Variants in CCDC88C observed in about 807,000 individuals in gnomAD.
The protein encoded by CCDC88C is coiled-coil and HOOK domain protein 88C.
Under a neutral mutation model 198.8 loss-of-function variants are expected in CCDC88C, and 131 were observed. The ratio of observed to expected loss-of-function variants is 0.66; its 90% confidence interval spans 0.57 to 0.76. The LOEUF is 0.76. Among genes scored for constraint, CCDC88C ranks in the 30% least tolerant of loss-of-function variants. The pLI is 0.00. For synonymous variants in CCDC88C, 1,166 were observed against 1,114.7 expected (o/e 1.05, Z -0.92); for missense variants, 2,553 against 2,631.6 (o/e 0.97, Z 0.65).
chr14:91,334,920 C>T (rs980495981), intron 10 of CCDC88C, among the ~76,000 whole-genome samples: 3 of 152,144 alleles, frequency 2.0e-5, no homozygotes, highest in Non-Finnish European at 4.4e-5. Flanking sequence ...CCAACACACA[C>T]CTGAGTGCTC....
chr14:91,300,646 C>A (rs757074565), intron 20 of CCDC88C, among the ~76,000 whole-genome samples: 1 of 152,176 alleles, frequency 6.6e-6, no homozygotes, highest in Non-Finnish European at 1.5e-5. Context: ...CACACAGCAG[C>A]TCTCCTCAGG....
At chr14:91,310,029 A>T in intron 15 of CCDC88C, 43 bp from the exon 16 acceptor site, 1 of 1,524,206 alleles carries the variant, frequency 6.6e-7, no homozygotes, top group South Asian at 1.2e-5. Flanking sequence ...GCTCAGCAAA[A>T]CACGCAGGAA....
At chr14:91,293,464 A>ACAGC (rs1890812191) in intron 23 of CCDC88C, among the ~76,000 whole-genome samples, 1 of 38,508 alleles carries the variant, frequency 2.6e-5, no homozygotes, top group Non-Finnish European at 5.9e-5. Context: ...CCACCTTCCC[A>ACAGC]TCCTCACCTG....
intron 21 of CCDC88C, 22 bp downstream of exon 21, chr14:91,299,905 A>G (rs975787684): frequency 2.5e-6 from 4 of 1,571,304 alleles, no homozygotes; most frequent in Non-Finnish European, 3.4e-6. Context: ...TGCTATGTGC[A>G]GGGCCGGGCG....
At chr14:91,298,695 T>C (rs1052404870) in intron 21 of CCDC88C, among the ~76,000 whole-genome samples, 3 of 152,218 alleles carry the variant, frequency 2.0e-5, no homozygotes, top group African/African-American at 7.2e-5. Flanking sequence ...TGCTGCCCTT[T>C]TAGACGATGT....
chr14:91,278,889 CTTTTTTTT>C (rs10671669), intron 28 of CCDC88C, among the ~76,000 whole-genome samples: 825 of 54,498 alleles, frequency 0.015, 21 homozygotes, highest in South Asian at 0.047. Flanking sequence ...ACCAAATACA[CTTTTTTTT>C]TTTTTTTTTT....
At chr14:91,363,824 G>A (rs1233069899) in intron 3 of CCDC88C, among the ~76,000 whole-genome samples, 1 of 152,258 alleles carries the variant, frequency 6.6e-6, no homozygotes, top group Non-Finnish European at 1.5e-5. Flanking sequence ...GAATGTGGTG[G>A]GGTGAGGGGC....
chr14:91,414,039 G>A (rs1218416577), intron 2 of CCDC88C, among the ~76,000 whole-genome samples: 1 of 152,158 alleles, frequency 6.6e-6, no homozygotes, highest in South Asian at 2.1e-4. Context: ...GTCTAAATGC[G>A]GGGCTAGGAC....
At chr14:91,321,795 T>C (rs1892368143) in intron 12 of CCDC88C, among the ~76,000 whole-genome samples, 1 of 152,232 alleles carries the variant, frequency 6.6e-6, no homozygotes, top group African/African-American at 2.4e-5. Context: ...CTTGTCAGCC[T>C]GGATGAGATG....
intron 1 of CCDC88C, 120 bp downstream of exon 1, chr14:91,417,511 G>A: frequency 1.2e-6 from 1 of 804,866 alleles, no homozygotes; most frequent in Non-Finnish European, 1.9e-6. Context: ...GCCACTTGCT[G>A]CGTCCCTCGC....
At chr14:91,394,819 T>G (rs1220299819) in intron 3 of CCDC88C, among the ~76,000 whole-genome samples, 1 of 152,122 alleles carries the variant, frequency 6.6e-6, no homozygotes, top group African/African-American at 2.4e-5. Flanking sequence ...ACGTGCACAC[T>G]CGCAAGATTA....
chr14:91,411,329 C>T (rs1016244593), intron 2 of CCDC88C, among the ~76,000 whole-genome samples: 7 of 152,186 alleles, frequency 4.6e-5, no homozygotes, highest in African/African-American at 1.7e-4. Flanking sequence ...TCAGTGTTCT[C>T]ATCTGCAAAA....
chr14:91,300,201 G>T, intron 20 of CCDC88C, 131 bp from the exon 21 acceptor site: 1 of 1,328,956 alleles, frequency 7.5e-7, no homozygotes, highest in Admixed American at 2.2e-5. Flanking sequence ...CTGCAGAAGT[G>T]AGGGGCATGG....
chr14:91,317,429 C>A (rs950652207), intron 13 of CCDC88C, among the ~76,000 whole-genome samples: 18 of 152,220 alleles, frequency 1.2e-4, no homozygotes, highest in African/African-American at 4.3e-4. Context: ...ATGAGCTGAG[C>A]TGGCTGAGGG....
rs1265349743 is a variant in CCDC88C, at chr14:91,351,209, A to C, written c.341-7552T>G. On this transcript the variant is annotated intron_variant, in intron 4 of 29. Transcript: ENST00000389857. ...TCTACATTCTCTTCTCTTCTGGCTT[A>C]CATGCTGGTGTGAACCACTAACTGC... is the stretch of plus-strand genomic sequence containing the variant. Among the ~76,000 whole-genome samples, 7 of 152,246 alleles carry C rather than the reference A, an allele frequency of 4.6e-5. 1 individual carries two copies. Among genetic ancestry groups the C allele is most frequent in the Non-Finnish European group, 8.8e-5 (6 of 68,034 alleles).
rs1467810158 is a variant in CCDC88C at position 91,273,716 on chromosome 14, C to T, written c.5059-63G>A. Reference sequence around the variant, plus strand: ...GGGTTGGGTGGGTCCTTGGAGCCGCCTCCTGCGCGGGACGCCCCCGAGCAG... The same window carrying T: ...GGGTTGGGTGGGTCCTTGGAGCCGCTTCCTGCGCGGGACGCCCCCGAGCAG... On this transcript the variant is annotated intron_variant, in intron 29 of 29. Transcript: ENST00000389857. The surrounding 1 kb of genome is among the most constrained non-coding windows in gnomAD (Gnocchi z 5.6). 7.3e-7 allele frequency: 1 copy of T among 1,366,594 alleles called. No individual in the cohort carries two copies. The highest frequency in any genetic ancestry group is 9.6e-7 in the Non-Finnish European group (1 of 1,043,792). 84.7% of individuals were successfully genotyped at this position (1,366,594 alleles called of 1,614,324 possible).
In CCDC88C at chr14:91,325,842, T is replaced by A; in HGVS notation, c.1197+68A>T. On this transcript the variant is annotated intron_variant, in intron 11 of 29. Transcript: ENST00000389857. The surrounding 1 kb of genome is among the most constrained non-coding windows in gnomAD (Gnocchi z 4.1). ...CCTTAGCCTCCCAAAGTGCTGGGATTACAGGCATGAGCCACTGTGCCCGAG... is the reference window on the plus strand; with the variant it reads ...CCTTAGCCTCCCAAAGTGCTGGGATAACAGGCATGAGCCACTGTGCCCGAG... 2 of 1,476,218 alleles carry A rather than the reference T, an allele frequency of 1.4e-6. No homozygotes were observed. The highest frequency in any genetic ancestry group is 1.8e-6 in the Non-Finnish European group (2 of 1,089,414). The allele number at this position is 1,476,218 out of a possible 1,614,324, so 91.4% of individuals were successfully genotyped here.
At chr14:91,286,898 C>T (rs532060595) in intron 25 of CCDC88C, among the ~76,000 whole-genome samples, 2 of 152,344 alleles carry the variant, frequency 1.3e-5, no homozygotes, top group South Asian at 2.1e-4. Flanking sequence ...GGGGAGGCCA[C>T]GTCCACCTGC....
intron 4 of CCDC88C, 74 bp downstream of exon 4, chr14:91,359,568 C>T (rs906565152): frequency 2.3e-5 from 28 of 1,232,054 alleles, no homozygotes; most frequent in Non-Finnish European, 2.8e-5. Context: ...AGCCGGAGCT[C>T]GATGGCCAGC....
Sources: allele counts gnomAD v4.1 joint callset (sites outside exome capture counted in the v4.1 genomes callset), GRCh38; gene constraint gnomAD v4.1.1; non-coding constraint Gnocchi (gnomAD v3.1); transcripts MANE v1.5; gene names NCBI Gene and HGNC (gene_info 2026-07-23, HGNC 2026-07-21).